SLF1: variants seen among roughly 807,000 people sequenced by gnomAD.
SLF1 encodes the protein SMC5-SMC6 complex localization factor protein 1.
Under a neutral mutation model 123.0 loss-of-function variants are expected in SLF1, and 105 were observed. The ratio of observed to expected loss-of-function variants is 0.85; its 90% CI spans 0.73 to 1.00. The LOEUF (loss-of-function observed/expected upper bound fraction) is 1.00. SLF1 is among the 50% of genes least tolerant of loss of function. The pLI is 0.00. For missense variants in SLF1, 1,239 were observed against 1,223.0 expected, an observed-to-expected ratio of 1.01 and a Z score of -0.20; for synonymous variants, 434 against 406.6, an observed-to-expected ratio of 1.07 and a Z score of -0.81.
At chr5:94,685,107 G>C (rs1248986965) in intron 15 of SLF1, among the ~76,000 whole-genome samples, 1 of 152,142 alleles carries the variant, frequency 6.6e-6, no homozygotes, top group African/African-American at 2.4e-5. Context: ...CAGAGTCAAG[G>C]GTCAAGGACT....
intron 9 of SLF1, among the ~76,000 whole-genome samples, chr5:94,657,987 T>C (rs1354174363): frequency 6.6e-6 from 1 of 152,092 alleles, no homozygotes; most frequent in African/African-American, 2.4e-5. Context: ...TTTTAATACA[T>C]GTAGCCAGTC....
rs115833801 is a variant in SLF1, at chr5:94,664,558, C to T, written c.1368+650C>T. ...CCAATAGGAACAAATATTCAAAGAT[C>T]GCTTTCTAATCATGCCCTTCACCAA... On this transcript the variant is annotated intron_variant, in intron 11 of 20. Coordinates refer to ENST00000265140, the MANE Select transcript of SLF1 (RefSeq NM_032290.4). Among the ~76,000 whole-genome samples, 1,374 of 152,296 alleles carry T rather than the reference C, an allele frequency of 9.0e-3. 13 individuals are homozygous for T. Among genetic ancestry groups the T allele is most frequent in the South Asian group, 0.024 (115 of 4,824 alleles).
intron 5 of SLF1, among the ~76,000 whole-genome samples, chr5:94,648,070 T>A (rs1250361381): frequency 6.6e-6 from 1 of 152,202 alleles, no homozygotes; most frequent in Non-Finnish European, 1.5e-5. Flanking sequence ...GGACATTTTT[T>A]GAGGACCTAA....
intron 5 of SLF1, 96 bp downstream of exon 5, chr5:94,643,531 A>G (rs1346945167): frequency 1.1e-6 from 1 of 898,844 alleles, no homozygotes; most frequent in Admixed American, 4.1e-5. Flanking sequence ...TGTGTTCTAA[A>G]TTTTGAAACT....
chr5:94,623,913 G>A (rs1792011941), intron 1 of SLF1, among the ~76,000 whole-genome samples: 1 of 152,032 alleles, frequency 6.6e-6, no homozygotes. Flanking sequence ...GTTTTCCTGT[G>A]TAACTGCATG....
intron 12 of SLF1, among the ~76,000 whole-genome samples, chr5:94,666,440 T>G (rs1265695755): frequency 6.6e-6 from 1 of 152,226 alleles, no homozygotes; most frequent in African/African-American, 2.4e-5. Context: ...AATTTGAATT[T>G]TAAAACAGAA....
At chr5:94,632,288 T>G (rs1220924334) in intron 4 of SLF1, among the ~76,000 whole-genome samples, 1 of 152,170 alleles carries the variant, frequency 6.6e-6, no homozygotes, top group Non-Finnish European at 1.5e-5. Flanking sequence ...ACTGTTTTGG[T>G]TACTGTGTCT....
At chr5:94,658,294 C>T (rs1430698106) in intron 9 of SLF1, among the ~76,000 whole-genome samples, 3 of 150,928 alleles carry the variant, frequency 2.0e-5, no homozygotes, top group South Asian at 2.1e-4. Context: ...GTAGGACTTG[C>T]GTAAACATTT....
At chr5:94,664,553 A>G (rs748574264) in intron 11 of SLF1, among the ~76,000 whole-genome samples, 3 of 152,234 alleles carry the variant, frequency 2.0e-5, no homozygotes, top group Non-Finnish European at 4.4e-5. Flanking sequence ...CAAATATTCA[A>G]AGATCGCTTT....
chr5:94,688,440 T>C (rs1190243334), intron 16 of SLF1, 66 bp from the exon 17 acceptor site: 1 of 1,495,472 alleles, frequency 6.7e-7, no homozygotes. Context: ...GTGAAATGAA[T>C]CAAATAATTT....
In SLF1 at chr5:94,651,833, A is replaced by G. The variant is rs189942086; in HGVS notation, c.870A>G (p.Thr290=). The part of the protein sequence containing the change: ...VKMRNTFGSH[T]YENQKEIKKK... ...TGAGAAATACCTTTGGAAGCCATAC[A>G]TATGAAAATCAGGTACAACTTTCCA... The change falls in exon 7 of 21, where the codon ACA becomes ACG. Residue 290 remains threonine (T), a synonymous_variant. Transcript: ENST00000265140. 7.1e-5 allele frequency: 101 copies of G among 1,415,494 alleles called. No individual in the cohort carries two copies. The highest frequency in any genetic ancestry group is 2.2e-4 in the Admixed American group (8 of 36,900). 87.7% of individuals were successfully genotyped at this position (1,415,494 alleles called of 1,614,324 possible).
chr5:94,633,700 C>T (rs1041128179), intron 4 of SLF1, among the ~76,000 whole-genome samples: 8 of 152,124 alleles, frequency 5.3e-5, no homozygotes, highest in African/African-American at 1.9e-4. Context: ...GTGAATTTAG[C>T]GAGATCAAAA....
At chr5:94,649,813 T>C (rs2152477959) in intron 6 of SLF1, among the ~76,000 whole-genome samples, 1 of 152,236 alleles carries the variant, frequency 6.6e-6, no homozygotes, top group African/African-American at 2.4e-5. Context: ...ATACACAGAG[T>C]TCCTTATACA....
At chr5:94,693,844 A>G (rs1753298352) in intron 20 of SLF1, among the ~76,000 whole-genome samples, 1 of 150,882 alleles carries the variant, frequency 6.6e-6, no homozygotes, top group Admixed American at 6.6e-5. Flanking sequence ...TTTTAGAATT[A>G]TCTTCTTTCC....
At chr5:94,648,715 C>T (rs1321757400) in intron 5 of SLF1, among the ~76,000 whole-genome samples, 1 of 152,192 alleles carries the variant, frequency 6.6e-6, no homozygotes, top group African/African-American at 2.4e-5. Flanking sequence ...CTTCTGACCT[C>T]GTGATCCACC....
chr5:94,687,709 C>A (rs1752596783), intron 16 of SLF1, among the ~76,000 whole-genome samples: 1 of 151,656 alleles, frequency 6.6e-6, no homozygotes, highest in African/African-American at 2.4e-5. Context: ...ACAACAACAA[C>A]AACAACAACA....
At chr5:94,679,152 A>C (rs1751460184) in intron 15 of SLF1, among the ~76,000 whole-genome samples, 197 bp downstream of exon 15, 1 of 152,210 alleles carries the variant, frequency 6.6e-6, no homozygotes, top group African/African-American at 2.4e-5. Flanking sequence ...GTTCCTACAC[A>C]GATAACTGCT....
chr5:94,635,136 C>CCT (rs75522556), intron 4 of SLF1, among the ~76,000 whole-genome samples: 33,771 of 151,826 alleles, frequency 0.22, 3,861 homozygotes, highest in East Asian at 0.34. Context: ...TAGTTTATCC[C>CCT]GTGTTTTTTT....
intron 5 of SLF1, among the ~76,000 whole-genome samples, chr5:94,644,474 C>G (rs1479941527): frequency 6.6e-6 from 1 of 152,148 alleles, no homozygotes; most frequent in African/African-American, 2.4e-5. Flanking sequence ...TCATTTCTGT[C>G]TTTTCAATTG....
Sources: allele counts gnomAD v4.1 joint callset (sites outside exome capture counted in the v4.1 genomes callset), GRCh38; gene constraint gnomAD v4.1.1; transcripts MANE v1.5; gene names NCBI Gene and HGNC (gene_info 2026-07-23, HGNC 2026-07-21).